PITPNC1: variants seen among roughly 807,000 people sequenced by gnomAD.
The protein encoded by PITPNC1 is phosphatidylinositol transfer protein cytoplasmic 1, also known as cytoplasmic phosphatidylinositol transfer protein 1.
PITPNC1 carries 18 observed loss-of-function variants against 44.7 expected under a neutral mutation model. The ratio of observed to expected loss-of-function variants is 0.40; its 90% CI spans 0.28 to 0.60. The LOEUF (loss-of-function observed/expected upper bound fraction) is 0.60, where lower values mean the gene tolerates loss of function less well. PITPNC1 is among the 20% of genes least tolerant of loss of function. The pLI is 0.39. For missense variants in PITPNC1, 290 were observed against 418.4 expected (o/e 0.69, Z 2.68); for synonymous variants, 141 against 149.6 (o/e 0.94, Z 0.42).
At chr17:67,542,244 G>A (rs141543890) in intron 2 of PITPNC1, among the ~76,000 whole-genome samples, 2 of 152,180 alleles carry the variant, frequency 1.3e-5, no homozygotes, top group African/African-American at 4.8e-5. Flanking sequence ...GGCGTATTTG[G>A]TAGAGTATGG....
rs143482851 is a variant in PITPNC1 at position 67,498,217 on chromosome 17, C to T, written c.49-34585C>T. 3.3e-5 allele frequency among the ~76,000 whole-genome samples: 5 copies of T among 152,018 alleles called. No individual in the cohort carries two copies. The East Asian group carries it at 9.7e-4, about 29-fold the overall frequency. On this transcript the variant is annotated intron_variant, in intron 1 of 8. Coordinates refer to ENST00000581322, the MANE Select transcript of PITPNC1 (RefSeq NM_012417.4). ...TGTGTATATCATCTTCAGAAACTGG[C>T]TCCCTCATATCTCTTGCTTATTATT...
intron 1 of PITPNC1, among the ~76,000 whole-genome samples, chr17:67,441,348 C>T (rs1303985097): frequency 6.7e-6 from 1 of 150,368 alleles, no homozygotes; most frequent in Non-Finnish European, 1.5e-5. Flanking sequence ...CCTGATGATT[C>T]ATCTGAGGAC....
At chr17:67,415,417 G>T (rs2038572880) in intron 1 of PITPNC1, among the ~76,000 whole-genome samples, 1 of 152,094 alleles carries the variant, frequency 6.6e-6, no homozygotes, top group Non-Finnish European at 1.5e-5. Flanking sequence ...AAATCCTTTG[G>T]GTCAGCACAG....
At chr17:67,563,964 T>C (rs2040939228) in intron 4 of PITPNC1, among the ~76,000 whole-genome samples, 1 of 152,062 alleles carries the variant, frequency 6.6e-6, no homozygotes, top group African/African-American at 2.4e-5. Context: ...AGATGATTGA[T>C]AGATATTAAT....
chr17:67,641,834 C>T (rs973415462), intron 6 of PITPNC1, among the ~76,000 whole-genome samples: 1 of 140,726 alleles, frequency 7.1e-6, no homozygotes, highest in Non-Finnish European at 1.6e-5. Context: ...AGCGAGTGTA[C>T]GGTGGTGCCA....
chr17:67,475,760 A>G (rs143613736), intron 1 of PITPNC1, among the ~76,000 whole-genome samples: 9 of 152,346 alleles, frequency 5.9e-5, no homozygotes, highest in African/African-American at 2.2e-4. Flanking sequence ...GTTGTGCATC[A>G]GTAAGCACAA....
At chr17:67,687,222 A>G (rs765356516) in intron 8 of PITPNC1, 4 of 1,055,758 alleles carry the variant, frequency 3.8e-6, no homozygotes, top group Non-Finnish European at 6.0e-6. Context: ...CCACCCTTTC[A>G]CAAATGCACA....
chr17:67,561,273 T>A (rs1278146694), intron 4 of PITPNC1, among the ~76,000 whole-genome samples: 1 of 152,108 alleles, frequency 6.6e-6, no homozygotes, highest in Non-Finnish European at 1.5e-5. Context: ...CTGGCCAACA[T>A]GGCGAAACCC....
chr17:67,402,018 C>T (rs887317545), intron 1 of PITPNC1, among the ~76,000 whole-genome samples: 5 of 152,098 alleles, frequency 3.3e-5, no homozygotes, highest in Admixed American at 1.3e-4. Flanking sequence ...GAACGCAATG[C>T]GTTACAGCAG....
chr17:67,648,241 G>T (rs185927760), intron 6 of PITPNC1, among the ~76,000 whole-genome samples: 7 of 152,286 alleles, frequency 4.6e-5, no homozygotes, highest in Middle Eastern at 3.4e-3. Flanking sequence ...CCTATTATCA[G>T]CTTTTGATTT....
intron 1 of PITPNC1, among the ~76,000 whole-genome samples, chr17:67,529,876 A>G (rs1359910885): frequency 6.6e-6 from 1 of 152,184 alleles, no homozygotes; most frequent in Non-Finnish European, 1.5e-5. Context: ...TGAGCCTGGT[A>G]GGCGGAGGTT....
chr17:67,634,603 A>G (rs949749915), intron 6 of PITPNC1, among the ~76,000 whole-genome samples: 2 of 152,182 alleles, frequency 1.3e-5, no homozygotes, highest in Non-Finnish European at 2.9e-5. Context: ...AATCTAACAA[A>G]TACCACGCAG....
intron 1 of PITPNC1, among the ~76,000 whole-genome samples, chr17:67,532,526 T>C (rs1182102948): frequency 1.3e-5 from 2 of 152,102 alleles, no homozygotes; most frequent in Non-Finnish European, 2.9e-5. Flanking sequence ...TTCCCAAGGT[T>C]TGGTCAGCTG....
intron 1 of PITPNC1, among the ~76,000 whole-genome samples, chr17:67,414,365 G>A (rs2038554649): frequency 6.6e-6 from 1 of 152,122 alleles, no homozygotes; most frequent in South Asian, 2.1e-4. Context: ...ATTCAGCAGT[G>A]AAAAGGAAAT....
rs2040919354 is a variant in PITPNC1 at position 67,562,549 on chromosome 17, C to G, written c.294+8932C>G. ...TCCTTGAAAAGTCTACTTTTTTTTT[C>G]CCCACTTGAGTTCTTCTTCTCACTT... On this transcript the variant is annotated intron_variant, in intron 4 of 8. Coordinates refer to ENST00000581322, the MANE Select transcript of PITPNC1 (RefSeq NM_012417.4). 3.3e-5 allele frequency among the ~76,000 whole-genome samples: 5 copies of G among 151,082 alleles called. No individual in the cohort carries two copies. In the South Asian group the frequency reaches 1.0e-3, roughly 31 times the overall value.
intron 5 of PITPNC1, among the ~76,000 whole-genome samples, chr17:67,586,884 G>A (rs1359472879): frequency 4.6e-5 from 7 of 152,178 alleles, no homozygotes; most frequent in East Asian, 1.9e-4. Flanking sequence ...GTAGGCTATT[G>A]GAATGATCCA....
Position 67,645,178 on chromosome 17 carries a change from T to TAA in PITPNC1, c.462+12944_462+12945dup, listed in dbSNP as rs547199595. 5.9e-5 allele frequency among the ~76,000 whole-genome samples: 9 copies of TAA among 151,990 alleles called. No homozygotes were observed. The East Asian group carries it at 1.7e-3, about 30-fold the overall frequency. On this transcript the variant is annotated intron_variant, in intron 6 of 8. Coordinates refer to ENST00000581322, the MANE Select transcript of PITPNC1 (RefSeq NM_012417.4). ...CAACACGGAGAAACCGCATCTCTAC[T>TAA]AAAAATACAAAAATCAGCCAGGCAT...
At chr17:67,495,838 A>G (rs530535999) in intron 1 of PITPNC1, among the ~76,000 whole-genome samples, 3 of 152,326 alleles carry the variant, frequency 2.0e-5, no homozygotes, top group Non-Finnish European at 4.4e-5. Context: ...AAAGCACCTT[A>G]AGGGAAGAGG....
intron 1 of PITPNC1, among the ~76,000 whole-genome samples, chr17:67,430,204 A>G (rs576857232): frequency 1.1e-4 from 16 of 152,320 alleles, no homozygotes; most frequent in African/African-American, 3.6e-4. Context: ...CTACTCTGTG[A>G]TTTTAAAAAC....
Sources: allele counts gnomAD v4.1 joint callset (sites outside exome capture counted in the v4.1 genomes callset), GRCh38; gene constraint gnomAD v4.1.1; transcripts MANE v1.5; gene names NCBI Gene and HGNC (gene_info 2026-07-23, HGNC 2026-07-21).